LEPR: variants seen among roughly 807,000 people sequenced by gnomAD.
LEPR encodes the protein OB receptor.
A neutral mutation model predicts 114.7 loss-of-function variants in LEPR; 56 were observed. The observed-to-expected ratio is 0.49, with a 90% CI of 0.39 to 0.61. The LOEUF is 0.61. LEPR is among the 20% of genes least tolerant of loss of function. The probability of loss-of-function intolerance (pLI) is 0.00; values close to 1 mark genes in which losing one functional copy is unlikely to be tolerated. For missense variants in LEPR, 1,202 were observed against 1,352.9 expected (o/e 0.89, Z 1.75); for synonymous variants, 443 against 461.4 (o/e 0.96, Z 0.51).
At chr1:65,592,514 A>G in intron 5 of LEPR, 143 bp from the exon 6 acceptor site, 2 of 740,786 alleles carry the variant, frequency 2.7e-6, no homozygotes, top group Non-Finnish European at 4.1e-6. Flanking sequence ...TGTTTTTCTA[A>G]TGTAGGGTTT....
intron 19 of LEPR, chr1:65,634,997 A>G: frequency 2.9e-5 from 21 of 724,498 alleles, no homozygotes; most frequent in Non-Finnish European, 3.5e-5. Context: ...ACATAAGTCT[A>G]TTCCATTATT....
At chr1:65,531,174 A>G (rs1265330532) in intron 2 of LEPR, among the ~76,000 whole-genome samples, 1 of 152,036 alleles carries the variant, frequency 6.6e-6, no homozygotes, top group Non-Finnish European at 1.5e-5. Flanking sequence ...CACTTTACTC[A>G]GTTCCAGCCA....
At chr1:65,528,837 C>A (rs1650160314) in intron 2 of LEPR, among the ~76,000 whole-genome samples, 2 of 152,110 alleles carry the variant, frequency 1.3e-5, no homozygotes, top group Admixed American at 1.3e-4. Context: ...CGGTGTCTTG[C>A]TCTGTCGCCC....
chr1:65,508,577 T>C (rs1648875361), intron 2 of LEPR, among the ~76,000 whole-genome samples: 1 of 152,204 alleles, frequency 6.6e-6, no homozygotes, highest in South Asian at 2.1e-4. Context: ...CATGTTGTTT[T>C]GATTACTATA....
chr1:65,597,253 C>T (rs1030825297), intron 7 of LEPR, among the ~76,000 whole-genome samples: 4 of 152,162 alleles, frequency 2.6e-5, no homozygotes, highest in South Asian at 2.1e-4. Flanking sequence ...CCACATACCC[C>T]GACCCACCAC....
At chr1:65,452,088 T>C (rs1646794173) in intron 2 of LEPR, among the ~76,000 whole-genome samples, 2 of 151,734 alleles carry the variant, frequency 1.3e-5, no homozygotes. Context: ...TTGTCTGTTA[T>C]TGGTGTATAA....
At chr1:65,432,530 C>T in intron 2 of LEPR, 1 of 787,102 alleles carries the variant, frequency 1.3e-6, no homozygotes, top group Admixed American at 6.3e-5. Flanking sequence ...GTGGCTAAAC[C>T]ACTTAACCTC....
intron 2 of LEPR, among the ~76,000 whole-genome samples, chr1:65,541,945 T>C (rs1333931642): frequency 5.3e-5 from 8 of 152,208 alleles, no homozygotes; most frequent in Admixed American, 5.2e-4. Flanking sequence ...GAGACTGTTC[T>C]GTTTTATATT....
chr1:65,544,767 C>G lies in LEPR; in HGVS notation c.-20-20779C>G, dbSNP rs114667687. Reference sequence around the variant, plus strand: ...CTTAAAACGGGGTGAAATTTTGATACGTGGTACAACATTGATAAACTTTAT... The same window carrying G: ...CTTAAAACGGGGTGAAATTTTGATAGGTGGTACAACATTGATAAACTTTAT... On this transcript the variant is annotated intron_variant, in intron 2 of 19. Coordinates refer to ENST00000349533, the MANE Select transcript of LEPR (RefSeq NM_002303.6). 4.9e-3 allele frequency among the ~76,000 whole-genome samples: 743 copies of G among 150,832 alleles called. 4 individuals carry two copies. The highest frequency in any genetic ancestry group is 8.6e-3 in the Non-Finnish European group (586 of 67,798).
At chr1:65,453,312 C>A (rs913655708) in intron 2 of LEPR, among the ~76,000 whole-genome samples, 13 of 151,940 alleles carry the variant, frequency 8.6e-5, no homozygotes, top group Middle Eastern at 3.4e-3. Context: ...TATTTCTTGC[C>A]TTCTGCTAGC....
chr1:65,609,407 G>A (rs963636226), intron 12 of LEPR, among the ~76,000 whole-genome samples: 5 of 152,204 alleles, frequency 3.3e-5, no homozygotes, highest in Non-Finnish European at 7.3e-5. Flanking sequence ...AGTCATTCCC[G>A]TAGTGGCAAG....
intron 2 of LEPR, among the ~76,000 whole-genome samples, chr1:65,528,654 C>T (rs1437079393): frequency 2.0e-5 from 3 of 151,924 alleles, no homozygotes. Flanking sequence ...TAATGGTTGA[C>T]AGATAATATG....
intron 3 of LEPR, among the ~76,000 whole-genome samples, chr1:65,567,103 A>T (rs1303853856): frequency 6.6e-6 from 1 of 152,214 alleles, no homozygotes; most frequent in African/African-American, 2.4e-5. Context: ...TTGTTACCTG[A>T]TAAGATATGC....
chr1:65,529,684 A>G (rs1650251898), intron 2 of LEPR, among the ~76,000 whole-genome samples: 1 of 152,134 alleles, frequency 6.6e-6, no homozygotes, highest in South Asian at 2.1e-4. Flanking sequence ...AAGGTCTACT[A>G]CTGTCAAGTT....
chr1:65,566,450 T>G (rs1408550568), intron 3 of LEPR, among the ~76,000 whole-genome samples: 1 of 152,214 alleles, frequency 6.6e-6, no homozygotes, highest in Non-Finnish European at 1.5e-5. Flanking sequence ...TCTGCCCGCC[T>G]CGGCCTCCCA....
intron 2 of LEPR, among the ~76,000 whole-genome samples, chr1:65,487,002 T>C (rs1198028072): frequency 6.6e-6 from 1 of 152,142 alleles, no homozygotes; most frequent in Non-Finnish European, 1.5e-5. Context: ...TTCCTACCAC[T>C]CTATAAAACA....
intron 3 of LEPR, among the ~76,000 whole-genome samples, chr1:65,565,881 TCACA>T (rs1027363246): frequency 6.6e-6 from 1 of 150,928 alleles, no homozygotes; most frequent in Non-Finnish European, 1.5e-5. Context: ...ACACACAGAC[TCACA>T]CACACACATA....
chr1:65,621,216 AT>A (rs1035630132), intron 17 of LEPR, 136 bp from the exon 18 acceptor site: 9 of 721,486 alleles, frequency 1.2e-5, no homozygotes, highest in African/African-American at 1.8e-5. Flanking sequence ...TTTTATCTTC[AT>A]TTTTTATTTT....
At chr1:65,503,986 G>A (rs535719944) in intron 2 of LEPR, among the ~76,000 whole-genome samples, 1 of 152,224 alleles carries the variant, frequency 6.6e-6, no homozygotes, top group East Asian at 1.9e-4. Context: ...TCTGGAGCAT[G>A]TTGTAGTTTC....
Sources: allele counts gnomAD v4.1 joint callset (sites outside exome capture counted in the v4.1 genomes callset), GRCh38; gene constraint gnomAD v4.1.1; transcripts MANE v1.5; gene names NCBI Gene and HGNC (gene_info 2026-07-23, HGNC 2026-07-21).